STIM1: variants seen among roughly 807,000 people sequenced by gnomAD.
STIM1 encodes the protein stromal interaction molecule 1.
Under a neutral mutation model 74.7 loss-of-function variants are expected in STIM1, and 25 were observed. That is an observed-to-expected ratio of 0.33 (90% confidence interval 0.24 to 0.47). The LOEUF is 0.47. STIM1 is among the 20% of genes least tolerant of loss of function. The pLI, the probability that STIM1 is intolerant of heterozygous loss-of-function variation, is 1.00. For synonymous variants in STIM1, 328 were observed against 348.8 expected (o/e 0.94, Z 0.66); for missense variants, 728 against 920.8 (o/e 0.79, Z 2.71).
At chr11:3,905,981 T>G (rs1232648221) in intron 1 of STIM1, among the ~76,000 whole-genome samples, 1 of 152,194 alleles carries the variant, frequency 6.6e-6, no homozygotes, top group Non-Finnish European at 1.5e-5. Flanking sequence ...TGCTCTACCT[T>G]TTCTTTACTT....
At chr11:4,038,461 C>A (rs1363917333) in intron 3 of STIM1, among the ~76,000 whole-genome samples, 1 of 151,974 alleles carries the variant, frequency 6.6e-6, no homozygotes, top group African/African-American at 2.4e-5. Flanking sequence ...TTTCATTTCC[C>A]TCTCTCAAGC....
chr11:3,905,893 G>C (rs1017199771), intron 1 of STIM1, among the ~76,000 whole-genome samples: 2 of 152,230 alleles, frequency 1.3e-5, no homozygotes, highest in Admixed American at 1.3e-4. Context: ...GACAAAGGTA[G>C]AGTTCTGGGG....
chr11:3,945,823 A>G (rs1347028731), intron 1 of STIM1, among the ~76,000 whole-genome samples: 2 of 152,166 alleles, frequency 1.3e-5, no homozygotes, highest in African/African-American at 2.4e-5. Flanking sequence ...GCTTTACAGG[A>G]AGCATGGTGC....
At chr11:3,905,803 AT>A (rs557623354) in intron 1 of STIM1, among the ~76,000 whole-genome samples, 14 of 151,828 alleles carry the variant, frequency 9.2e-5, no homozygotes, top group African/African-American at 3.1e-4. Context: ...TCCCAGTGCT[AT>A]TTTTTTTCCA....
chr11:4,003,933 T>G (rs570222919), intron 2 of STIM1, among the ~76,000 whole-genome samples: 1 of 152,238 alleles, frequency 6.6e-6, no homozygotes, highest in Admixed American at 6.5e-5. Context: ...ACAAGCATTC[T>G]TATACACCAA....
chr11:3,892,508 A>G (rs10767684), intron 1 of STIM1: 477,190 of 1,571,916 alleles, frequency 0.3, 75,333 homozygotes, highest in South Asian at 0.42. Flanking sequence ...GCCAAAGACC[A>G]CATGCTTGCC....
intron 1 of STIM1, among the ~76,000 whole-genome samples, chr11:3,883,557 T>C (rs1019196554): frequency 6.6e-6 from 1 of 152,238 alleles, no homozygotes; most frequent in South Asian, 2.1e-4. Context: ...TTTACCATGT[T>C]GGTCAGGCTG....
intron 2 of STIM1, among the ~76,000 whole-genome samples, chr11:4,006,396 C>T (rs2093781431): frequency 6.6e-6 from 1 of 152,114 alleles, no homozygotes; most frequent in Admixed American, 6.6e-5. Flanking sequence ...TACCCAGTCT[C>T]AGGTATTTCT....
At chr11:3,957,464 G>C (rs1356152973) in intron 1 of STIM1, among the ~76,000 whole-genome samples, 2 of 151,844 alleles carry the variant, frequency 1.3e-5, no homozygotes, top group Non-Finnish European at 2.9e-5. Flanking sequence ...TCACCATGTT[G>C]GCCAGGCTGG....
chr11:4,034,281 T>C (rs1187266245), intron 3 of STIM1, among the ~76,000 whole-genome samples: 1 of 151,520 alleles, frequency 6.6e-6, no homozygotes, highest in Non-Finnish European at 1.5e-5. Context: ...TATATAATGT[T>C]GGCTGTGGGT....
intron 1 of STIM1, among the ~76,000 whole-genome samples, chr11:3,904,063 G>A (rs1590549025): frequency 6.6e-6 from 1 of 151,788 alleles, no homozygotes; most frequent in African/African-American, 2.4e-5. Flanking sequence ...TGGGTGTGGT[G>A]GTATGTGCCT....
chr11:3,907,535 T>C (rs2092485632), intron 1 of STIM1, among the ~76,000 whole-genome samples: 1 of 152,220 alleles, frequency 6.6e-6, no homozygotes, highest in Non-Finnish European at 1.5e-5. Context: ...TACCATCGTC[T>C]CTTGCCTGGT....
At chr11:4,052,366 C>T (rs548469959) in intron 3 of STIM1, among the ~76,000 whole-genome samples, 4 of 152,174 alleles carry the variant, frequency 2.6e-5, no homozygotes, top group African/African-American at 9.7e-5. Flanking sequence ...ACCAAAACAG[C>T]ATGGTACCGG....
chr11:4,046,206 A>G (rs983001128), intron 3 of STIM1, among the ~76,000 whole-genome samples: 2 of 151,704 alleles, frequency 1.3e-5, no homozygotes, highest in African/African-American at 4.8e-5. Context: ...CTGGGATCAC[A>G]GGCACGCACC....
intron 5 of STIM1, among the ~76,000 whole-genome samples, chr11:4,068,450 G>A (rs1168934785): frequency 2.6e-5 from 4 of 152,126 alleles, no homozygotes; most frequent in African/African-American, 9.7e-5. Flanking sequence ...AACAAACAGG[G>A]GAGACAAAGA....
chr11:3,877,838 C>T (rs2091356529), intron 1 of STIM1, among the ~76,000 whole-genome samples: 1 of 152,154 alleles, frequency 6.6e-6, no homozygotes, highest in Non-Finnish European at 1.5e-5. Context: ...TCCTTTTATC[C>T]TATCATTCTA....
intron 2 of STIM1, chr11:3,989,058 T>C (rs900315256): frequency 4.2e-5 from 51 of 1,201,388 alleles, no homozygotes; most frequent in Non-Finnish European, 5.5e-5. Flanking sequence ...TTTCTAGAGC[T>C]ACTAAAAAAC....
chr11:4,074,447 G>C, intron 6 of STIM1, 55 bp from the exon 7 acceptor site: 1 of 1,604,986 alleles, frequency 6.2e-7, no homozygotes, highest in Non-Finnish European at 8.5e-7. Context: ...CTCATGGCAT[G>C]TTGGCTGGCA....
At chr11:3,986,909 T>C (rs928129566) in intron 2 of STIM1, among the ~76,000 whole-genome samples, 1 of 152,202 alleles carries the variant, frequency 6.6e-6, no homozygotes, top group Admixed American at 6.5e-5. Context: ...CCAACATGCA[T>C]CAGGCCTTCT....
Sources: allele counts gnomAD v4.1 joint callset (sites outside exome capture counted in the v4.1 genomes callset), GRCh38; gene constraint gnomAD v4.1.1; transcripts MANE v1.5; gene names NCBI Gene and HGNC (gene_info 2026-07-23, HGNC 2026-07-21).